PARN: variants seen among roughly 807,000 people sequenced by gnomAD.
PARN encodes the protein poly(A)-specific ribonuclease.
PARN carries 71 observed loss-of-function variants against 102.8 expected under a neutral mutation model. The observed-to-expected ratio is 0.69, with a 90% CI of 0.57 to 0.84. The LOEUF is 0.84. PARN is among the 40% of genes least tolerant of loss of function. The pLI is 0.00. For synonymous variants in PARN, 261 were observed against 252.9 expected, an observed-to-expected ratio of 1.03 and a Z score of -0.30; for missense variants, 782 against 760.9, an observed-to-expected ratio of 1.03 and a Z score of -0.33.
intron 2 of PARN, 29 bp downstream of exon 2, chr16:14,629,568 G>A (rs554741180): frequency 2.8e-4 from 431 of 1,544,570 alleles, no homozygotes; most frequent in Non-Finnish European, 3.7e-4. Context: ...ACTGCAAAGT[G>A]CTAGCCTGAG....
intron 21 of PARN, among the ~76,000 whole-genome samples, chr16:14,504,442 C>G (rs1216811391): frequency 6.6e-6 from 1 of 151,982 alleles, no homozygotes; most frequent in Non-Finnish European, 1.5e-5. Context: ...GCCTGTAATC[C>G]CAGCTACTCG....
At chr16:14,446,860 C>T (rs757148015) in intron 23 of PARN, 28 bp downstream of exon 23, 15 of 1,566,562 alleles carry the variant, frequency 9.6e-6, no homozygotes, top group Non-Finnish European at 1.2e-5. Flanking sequence ...TCCACGGCCC[C>T]AGAACTTCGG....
intron 23 of PARN, among the ~76,000 whole-genome samples, chr16:14,439,521 T>C (rs1960858165): frequency 6.6e-6 from 1 of 152,130 alleles, no homozygotes; most frequent in African/African-American, 2.4e-5. Flanking sequence ...TATACAAAGA[T>C]TAACTTGAAT....
At chr16:14,479,500 T>TA (rs1360708476) in intron 22 of PARN, among the ~76,000 whole-genome samples, 1 of 150,992 alleles carries the variant, frequency 6.6e-6, no homozygotes, top group Non-Finnish European at 1.5e-5. Context: ...AAAATAGGCT[T>TA]ACTGAAGAAA....
intron 21 of PARN, among the ~76,000 whole-genome samples, chr16:14,528,733 TC>T (rs1227030234): frequency 6.6e-6 from 1 of 152,150 alleles, no homozygotes; most frequent in Non-Finnish European, 1.5e-5. Flanking sequence ...TTTTCTCTTC[TC>T]CACTTTAACC....
chr16:14,530,287 A>C (rs1369720198), intron 21 of PARN, among the ~76,000 whole-genome samples: 3 of 152,184 alleles, frequency 2.0e-5, no homozygotes, highest in Non-Finnish European at 4.4e-5. Flanking sequence ...GCTACTCTAG[A>C]GAGAGGCAGC....
chr16:14,489,536 G>A (rs1484478266), intron 21 of PARN, among the ~76,000 whole-genome samples: 4 of 151,888 alleles, frequency 2.6e-5, no homozygotes, highest in Non-Finnish European at 5.9e-5. Flanking sequence ...TAAGTGAGAA[G>A]GTCTCTTTAA....
chr16:14,600,729 G>A (rs1241447033), intron 11 of PARN, among the ~76,000 whole-genome samples: 1 of 152,118 alleles, frequency 6.6e-6, no homozygotes, highest in Non-Finnish European at 1.5e-5. Context: ...TCGGGAGTTC[G>A]AGACCAGCCT....
intron 23 of PARN, among the ~76,000 whole-genome samples, chr16:14,439,788 G>A (rs755438322): frequency 1.3e-5 from 2 of 152,166 alleles, no homozygotes; most frequent in Non-Finnish European, 2.9e-5. Context: ...GGCTGAGGCC[G>A]GTGGATCACG....
intron 22 of PARN, among the ~76,000 whole-genome samples, chr16:14,471,205 T>C (rs889093498): frequency 2.0e-5 from 3 of 152,168 alleles, no homozygotes; most frequent in Non-Finnish European, 4.4e-5. Context: ...TAAAAATCAA[T>C]CCATCCATTT....
intron 21 of PARN, among the ~76,000 whole-genome samples, chr16:14,487,097 G>A (rs982217812): frequency 2.0e-5 from 3 of 152,228 alleles, no homozygotes; most frequent in African/African-American, 7.2e-5. Flanking sequence ...AGTCTTCGCC[G>A]GAGGATCCGA....
At chr16:14,529,919 G>A (rs1004765666) in intron 21 of PARN, among the ~76,000 whole-genome samples, 4 of 152,036 alleles carry the variant, frequency 2.6e-5, no homozygotes, top group African/African-American at 7.2e-5. Flanking sequence ...TCCAGACCAC[G>A]AGACCCCATC....
chr16:14,537,556 G>A lies in PARN; in HGVS notation c.1480+14465C>T, dbSNP rs147616798. Among the ~76,000 whole-genome samples the A allele has an allele frequency of 2.6e-5, 4 of 152,190 alleles. No individual in the cohort carries two copies. In the East Asian group the frequency reaches 7.7e-4, roughly 29 times the overall value. ...CTAAATGTTCATCAAAAGATGAGTG[G>A]ATAAAGAAAATGTGGTATATATCAC... On this transcript the variant is annotated intron_variant, in intron 21 of 23. Coordinates refer to ENST00000437198, the MANE Select transcript of PARN (RefSeq NM_002582.4).
intron 21 of PARN, among the ~76,000 whole-genome samples, chr16:14,529,315 T>C (rs890589571): frequency 2.0e-5 from 3 of 152,176 alleles, no homozygotes; most frequent in African/African-American, 7.2e-5. Context: ...CACCTTCTGG[T>C]TGGTGAAAAG....
At chr16:14,598,728 G>A (rs1450852529) in intron 12 of PARN, among the ~76,000 whole-genome samples, 1 of 152,190 alleles carries the variant, frequency 6.6e-6, no homozygotes, top group Non-Finnish European at 1.5e-5. Context: ...ACAAGGCTCT[G>A]TAAACCTCTG....
intron 7 of PARN, among the ~76,000 whole-genome samples, chr16:14,609,372 C>A (rs189750584): frequency 2.6e-5 from 4 of 152,130 alleles, no homozygotes; most frequent in East Asian, 1.9e-4. Flanking sequence ...TCGCGACCAG[C>A]CTGGGCAATA....
chr16:14,621,668 TG>T (rs1378521991), intron 5 of PARN, among the ~76,000 whole-genome samples: 3 of 151,862 alleles, frequency 2.0e-5, no homozygotes, highest in African/African-American at 7.3e-5. Flanking sequence ...AAAAATTAGC[TG>T]GGCATGGTGG....
chr16:14,489,027 G>T (rs999278141), intron 21 of PARN, among the ~76,000 whole-genome samples: 6 of 152,076 alleles, frequency 3.9e-5, no homozygotes, highest in Non-Finnish European at 8.8e-5. Context: ...AGAATAAAAT[G>T]GATGAATCTC....
chr16:14,544,337 G>A (rs1311872267), intron 21 of PARN, among the ~76,000 whole-genome samples: 3 of 152,188 alleles, frequency 2.0e-5, no homozygotes, highest in Non-Finnish European at 4.4e-5. Flanking sequence ...CACTTTCGGA[G>A]GTCAATGCAG....
Sources: gnomAD v4.1 joint callset for allele counts (sites outside exome capture counted in the v4.1 genomes callset) on GRCh38, gnomAD v4.1.1 for gene constraint, MANE v1.5 for transcripts, NCBI Gene and HGNC (gene_info 2026-07-23, HGNC 2026-07-21) for gene names.